Variants in GALNTL6 observed in about 807,000 individuals in gnomAD.
GALNTL6 encodes the protein polypeptide N-acetylgalactosaminyltransferase-like 6.
In GALNTL6, 46 loss-of-function variants were observed where a neutral mutation model predicts 73.7. The observed-to-expected ratio is 0.62, with a 90% CI of 0.49 to 0.80. The LOEUF is 0.80. Among genes scored for constraint, GALNTL6 ranks in the 30% least tolerant of loss-of-function variants. The pLI is 0.00. For synonymous variants in GALNTL6, 259 were observed against 263.7 expected (o/e 0.98, Z 0.17); for missense variants, 604 against 755.0 (o/e 0.80, Z 2.34).
intron 5 of GALNTL6, among the ~76,000 whole-genome samples, chr4:172,474,830 T>A (rs1334987919): frequency 1.3e-5 from 2 of 152,338 alleles, no homozygotes; most frequent in East Asian, 3.9e-4. Flanking sequence ...AAGACAGCTG[T>A]TCTATTTTTG....
chr4:172,156,002 G>C (rs565715394), intron 2 of GALNTL6, among the ~76,000 whole-genome samples: 1 of 152,028 alleles, frequency 6.6e-6, no homozygotes, highest in Non-Finnish European at 1.5e-5. Flanking sequence ...CTCTTGTATC[G>C]GTTGGAACCC....
At chr4:172,920,606 C>A (rs2111290859) in intron 8 of GALNTL6, among the ~76,000 whole-genome samples, 1 of 152,238 alleles carries the variant, frequency 6.6e-6, no homozygotes, top group South Asian at 2.1e-4. Context: ...ATAGAGAGTG[C>A]TGTATTTTTA....
At chr4:172,906,192 G>T (rs1210523894) in intron 8 of GALNTL6, among the ~76,000 whole-genome samples, 1 of 151,848 alleles carries the variant, frequency 6.6e-6, no homozygotes, top group East Asian at 1.9e-4. Flanking sequence ...GATATAGATA[G>T]ATGTGGAGAC....
chr4:172,958,644 C>G (rs184988800), intron 10 of GALNTL6, among the ~76,000 whole-genome samples: 1 of 152,110 alleles, frequency 6.6e-6, no homozygotes, highest in South Asian at 2.1e-4. Context: ...AGGGAGCGCA[C>G]GTGTGTTTTT....
At chr4:172,006,939 G>A (rs1740861504) in intron 2 of GALNTL6, among the ~76,000 whole-genome samples, 1 of 152,106 alleles carries the variant, frequency 6.6e-6, no homozygotes, top group Non-Finnish European at 1.5e-5. Context: ...TAGATGAAAT[G>A]TTAATTTAAA....
At chr4:171,916,216 A>T (rs1737621758) in intron 2 of GALNTL6, among the ~76,000 whole-genome samples, 1 of 152,112 alleles carries the variant, frequency 6.6e-6, no homozygotes, top group African/African-American at 2.4e-5. Context: ...TAAACTAATT[A>T]CTTAGTTTTG....
At position 173,040,112 on chromosome 4, in the gene GALNTL6, GAAGA is replaced by G. The variant is rs766219740; in HGVS notation, c.*17_*20del. Reference sequence around the variant, plus strand: ...ATGCCAACTCCTAGAAAGAAGAAAGGAAGAAAGAGTGATTACCTACAGGTTATAA... The same window carrying G: ...ATGCCAACTCCTAGAAAGAAGAAAGGAAGAGTGATTACCTACAGGTTATAA... On this transcript the variant is annotated 3_prime_UTR_variant, in exon 13 of 13. Transcript: ENST00000506823. 7 of 1,597,424 alleles carry G rather than the reference GAAGA, an allele frequency of 4.4e-6. No individual in the cohort carries two copies. Among genetic ancestry groups the G allele is most frequent in the Admixed American group, 3.4e-5 (2 of 58,944 alleles).
intron 4 of GALNTL6, among the ~76,000 whole-genome samples, chr4:172,335,523 C>G (rs906068018): frequency 6.6e-6 from 1 of 152,180 alleles, no homozygotes; most frequent in African/African-American, 2.4e-5. Flanking sequence ...AGAATTGGTA[C>G]CAGCTCTTCT....
intron 5 of GALNTL6, among the ~76,000 whole-genome samples, chr4:172,568,596 A>T (rs886503773): frequency 7.3e-5 from 11 of 151,470 alleles, no homozygotes; most frequent in African/African-American, 2.7e-4. Context: ...CTCTACTAAA[A>T]ATACAAAAAA....
intron 2 of GALNTL6, among the ~76,000 whole-genome samples, chr4:172,040,428 A>T (rs1742051994): frequency 6.6e-6 from 1 of 151,756 alleles, no homozygotes; most frequent in East Asian, 1.9e-4. Context: ...CTTTTTCCTA[A>T]GACTTCATTT....
At chr4:172,144,606 T>C (rs762013208) in intron 2 of GALNTL6, among the ~76,000 whole-genome samples, 4 of 152,190 alleles carry the variant, frequency 2.6e-5, no homozygotes, top group Non-Finnish European at 5.9e-5. Flanking sequence ...TGAAGTTCTA[T>C]GAAGCTGAAG....
At chr4:172,755,905 T>C (rs573018073) in intron 5 of GALNTL6, among the ~76,000 whole-genome samples, 1 of 152,300 alleles carries the variant, frequency 6.6e-6, no homozygotes, top group South Asian at 2.1e-4. Context: ...TTAAACCACT[T>C]AGGGATATTA....
At chr4:172,736,889 T>C (rs1736500794) in intron 5 of GALNTL6, among the ~76,000 whole-genome samples, 3 of 152,148 alleles carry the variant, frequency 2.0e-5, no homozygotes, top group African/African-American at 4.8e-5. Context: ...TATCTGATGG[T>C]TTTATAAAGG....
intron 2 of GALNTL6, among the ~76,000 whole-genome samples, chr4:171,948,419 T>C (rs1738768279): frequency 6.6e-6 from 1 of 152,230 alleles, no homozygotes; most frequent in Non-Finnish European, 1.5e-5. Flanking sequence ...GTATATACCA[T>C]GTGCGTAAAT....
intron 5 of GALNTL6, among the ~76,000 whole-genome samples, chr4:172,712,233 T>G (rs901178091): frequency 5.3e-5 from 8 of 152,148 alleles, no homozygotes; most frequent in African/African-American, 1.9e-4. Flanking sequence ...ATTAGAAAAT[T>G]TATGTAACAA....
At chr4:172,284,616 T>G (rs2111086494) in intron 3 of GALNTL6, among the ~76,000 whole-genome samples, 1 of 152,348 alleles carries the variant, frequency 6.6e-6, no homozygotes, top group East Asian at 1.9e-4. Flanking sequence ...TTTTGTATTT[T>G]TAGGTCTTAC....
chr4:172,921,178 T>C (rs866748238), intron 8 of GALNTL6, among the ~76,000 whole-genome samples: 4 of 152,186 alleles, frequency 2.6e-5, no homozygotes, highest in Non-Finnish European at 5.9e-5. Flanking sequence ...GAAAGAAGCA[T>C]AGGAAATAAG....
intron 5 of GALNTL6, among the ~76,000 whole-genome samples, chr4:172,457,920 A>G (rs2111436293): frequency 6.6e-6 from 1 of 152,318 alleles, no homozygotes; most frequent in South Asian, 2.1e-4. Flanking sequence ...TCTTCTCAGC[A>G]TCACATCGCA....
rs769335790 is a variant in GALNTL6 at position 172,809,251 on chromosome 4, T to A, written c.554-110T>A. On this transcript the variant is annotated intron_variant, in intron 5 of 12. Transcript: ENST00000506823. The surrounding 1 kb of genome is among the most constrained non-coding windows in gnomAD (Gnocchi z 4.4). ...CCATCTAGATGAGGAGACAAGAATG[T>A]TACCCCAGGATTCATCAGTCACATA... The A allele has an allele frequency of 5.0e-6, 4 of 800,668 alleles. No homozygotes were observed. The highest frequency in any genetic ancestry group is 1.7e-5 in the African/African-American group (1 of 57,704). 49.6% of individuals were successfully genotyped at this position (800,668 alleles called of 1,614,324 possible). A position where few individuals can be genotyped will look rare whatever the true frequency, so the allele number is the denominator to read the frequency against.
Sources: allele counts gnomAD v4.1 joint callset (sites outside exome capture counted in the v4.1 genomes callset), GRCh38; gene constraint gnomAD v4.1.1; non-coding constraint Gnocchi (gnomAD v3.1); transcripts MANE v1.5; gene names NCBI Gene and HGNC (gene_info 2026-07-23, HGNC 2026-07-21).